EPB41L3: variants seen among roughly 807,000 people sequenced by gnomAD.
The protein encoded by EPB41L3 is band 4.1-like protein 3.
EPB41L3 carries 57 observed loss-of-function variants against 127.1 expected under a neutral mutation model. The ratio of observed to expected loss-of-function variants is 0.45; its 90% CI spans 0.36 to 0.56. The LOEUF is 0.56. Ranked by LOEUF, EPB41L3 falls within the 20% of genes least tolerant of loss-of-function variation. The pLI is 0.00. For synonymous variants in EPB41L3, 572 were observed against 549.5 expected (o/e 1.04, Z -0.57); for missense variants, 1,273 against 1,372.2 (o/e 0.93, Z 1.14).
chr18:5,611,642 A>G (rs2094726452), intron 3 of EPB41L3, among the ~76,000 whole-genome samples: 1 of 152,192 alleles, frequency 6.6e-6, no homozygotes, highest in African/African-American at 2.4e-5. Flanking sequence ...AATAAATAAA[A>G]TTTGGCCAGG....
At position 5,395,155 on chromosome 18, in the gene EPB41L3, A is replaced by T. The variant is rs777928624; in HGVS notation, c.3073-8T>A. 6.2e-7 allele frequency: 1 copy of T among 1,613,128 alleles called. No homozygotes were observed. The highest frequency in any genetic ancestry group is 8.5e-7 in the Non-Finnish European group (1 of 1,179,074). On this transcript the variant is annotated splice_polypyrimidine_tract_variant and splice_region_variant and intron_variant, in intron 20 of 22. Coordinates refer to ENST00000341928, the MANE Select transcript of EPB41L3 (RefSeq NM_012307.5). ...AATGCCCCCTTTCACAGTCTGCAAG[A>T]CACGTAGAGAAGCTTTATGAATTTA...
At position 5,394,787 on chromosome 18, in the gene EPB41L3, C is replaced by A. The variant is rs1473912557; in HGVS notation, c.3160G>T (p.Ala1054Ser). Residue 1054 changes from alanine (A) to serine (S), a missense_variant, in exon 22 of 23, where the codon GCT becomes TCT. This residue lies in a region of EPB41L3 where 765 missense variants were observed against 782.9 expected (regional missense o/e 0.98). Transcript: ENST00000341928. ...DADIDHDQAL[A>S]QAIKEAKEQH... is the part of the protein sequence containing the mutation. ...TCTTTGGCCTCTTTAATTGCCTGAG[C>A]CAGCGCCTATCCCCGGGAAATCACA... is the stretch of plus-strand genomic sequence containing the variant. The A allele has an allele frequency of 1.9e-6, 3 of 1,614,044 alleles. No homozygotes were observed. The highest frequency in any genetic ancestry group is 1.7e-6 in the Non-Finnish European group (2 of 1,179,976).
chr18:5,485,503 G>T (rs1273986686), intron 2 of EPB41L3, among the ~76,000 whole-genome samples: 1 of 151,664 alleles, frequency 6.6e-6, no homozygotes, highest in East Asian at 1.9e-4. Context: ...GCACAATTGG[G>T]CAAAAGAAAG....
At chr18:5,520,056 T>C (rs927052202) in intron 1 of EPB41L3, among the ~76,000 whole-genome samples, 1 of 152,200 alleles carries the variant, frequency 6.6e-6, no homozygotes, top group Non-Finnish European at 1.5e-5. Context: ...AGGGACTTCG[T>C]AATAAAAGCA....
chr18:5,622,951 A>AT (rs10622515), intron 1 of EPB41L3, among the ~76,000 whole-genome samples: 27,694 of 75,268 alleles, frequency 0.37, 8,481 homozygotes, highest in East Asian at 0.81. Context: ...CATAATGCTG[A>AT]TTTTTTTTTT....
chr18:5,445,365 C>T, intron 3 of EPB41L3, 121 bp from the exon 4 acceptor site: 1 of 749,336 alleles, frequency 1.3e-6, no homozygotes, highest in Non-Finnish European at 2.2e-6. Flanking sequence ...GAGTGACCAA[C>T]AGTGTGATCA....
intron 3 of EPB41L3, chr18:5,463,929 A>G (rs1004850685): frequency 3.3e-5 from 5 of 152,074 alleles, no homozygotes; most frequent in African/African-American, 7.2e-5. Context: ...ACAAGAGAAA[A>G]CCAATATACC....
At chr18:5,473,864 T>C (rs535333559) in intron 3 of EPB41L3, among the ~76,000 whole-genome samples, 16 of 152,178 alleles carry the variant, frequency 1.1e-4, no homozygotes, top group Non-Finnish European at 2.2e-4. Context: ...CAAAAATATA[T>C]ATCAAGTTCG....
rs534996922 is a variant in EPB41L3, at chr18:5,561,040, C to G, written c.-306+51300G>C. ...TCGCCCAGGCTGGAGTGCAGTGGCG[C>G]GATCGCGGCTCACTGCAAGCTCCGC... On this transcript the variant is annotated intron_variant, in intron 3 of 21. Transcript: ENST00000545076. 1.3e-4 allele frequency among the ~76,000 whole-genome samples: 18 copies of G among 143,506 alleles called. 1 individual carries two copies. The South Asian group carries it at 2.0e-3, about 16-fold the overall frequency. The allele number at this position is 143,506 out of a possible 152,430, so 94.1% of individuals were successfully genotyped here.
intron 3 of EPB41L3, among the ~76,000 whole-genome samples, chr18:5,572,976 G>A (rs950222525): frequency 1.3e-5 from 2 of 152,080 alleles, no homozygotes; most frequent in African/African-American, 4.8e-5. Context: ...TTGAGAGCTG[G>A]GCATAAAAGG....
At chr18:5,499,829 G>GTGTGTGTATATATATATATATATATA (rs563662904) in intron 1 of EPB41L3, among the ~76,000 whole-genome samples, 2 of 124,616 alleles carry the variant, frequency 1.6e-5, no homozygotes, top group African/African-American at 3.1e-5. Context: ...CTATGTGTGT[G>GTGTGTGTATATATATATATATATATA]TATATATATA....
At chr18:5,541,252 C>CAAAAAAAAAAAAAA (rs370717420) in intron 1 of EPB41L3, among the ~76,000 whole-genome samples, 1 of 46,766 alleles carries the variant, frequency 2.1e-5, no homozygotes, top group African/African-American at 1.1e-4. Context: ...GACTCCATCT[C>CAAAAAAAAAAAAAA]AAAAAAAAAA....
chr18:5,620,275 A>T (rs974951328), intron 1 of EPB41L3, among the ~76,000 whole-genome samples: 1 of 152,214 alleles, frequency 6.6e-6, no homozygotes, highest in African/African-American at 2.4e-5. Flanking sequence ...GGAAAATGAC[A>T]TTGCTGCTTA....
rs1424239355 is a variant in EPB41L3 at position 5,407,737 on chromosome 18, C to A, written c.2122-1G>T. 2.5e-6 allele frequency: 4 copies of A among 1,613,986 alleles called. No individual in the cohort carries two copies. The highest frequency in any genetic ancestry group is 3.3e-5 in the Admixed American group (2 of 60,018). ...GCTCTGCATCTTCCTCCTGGTCCGA[C>A]TGCCAGCATCAAGAAAGAGTGGGAA... On this transcript the variant is annotated splice_acceptor_variant, in intron 14 of 22. Coordinates refer to ENST00000341928, the MANE Select transcript of EPB41L3 (RefSeq NM_012307.5). LOFTEE classifies it high-confidence loss of function.
chr18:5,603,649 A>G lies in EPB41L3; in HGVS notation c.-306+8691T>C, dbSNP rs192395171. ...CCTAATCTCAGCACTTTGGGAGGCC[A>G]AGGCAGGAGGATCACTAGACCCTAG... is the stretch of plus-strand genomic sequence containing the variant. On this transcript the variant is annotated intron_variant, in intron 3 of 21. Coordinates refer to the EPB41L3 transcript ENST00000545076. Among the ~76,000 whole-genome samples, 475 of 152,220 alleles carry G rather than the reference A, an allele frequency of 3.1e-3. 1 individual carries two copies. The highest frequency in any genetic ancestry group is 0.01 in the Middle Eastern group (3 of 294).
At chr18:5,415,679 C>A in intron 13 of EPB41L3, 139 bp downstream of exon 13, 6 of 940,442 alleles carry the variant, frequency 6.4e-6, no homozygotes, top group Non-Finnish European at 9.3e-6. Flanking sequence ...CTCCCCAACA[C>A]ACAGAAACCT....
chr18:5,392,837 C>G lies in EPB41L3; in HGVS notation c.*648G>C, dbSNP rs2072627107. Reference sequence around the variant, plus strand: ...TCGCATTAATATGCTAAAATCAGTACTACCTTATAACAAATTAAATGAGAT... The same window carrying G: ...TCGCATTAATATGCTAAAATCAGTAGTACCTTATAACAAATTAAATGAGAT... On this transcript the variant is annotated 3_prime_UTR_variant, in exon 23 of 23. Coordinates refer to ENST00000341928, the MANE Select transcript of EPB41L3 (RefSeq NM_012307.5). 6.6e-6 allele frequency: 1 copy of G among 152,516 alleles called. No homozygotes were observed. Among genetic ancestry groups the G allele is most frequent in the Non-Finnish European group, 1.5e-5 (1 of 68,040 alleles). 9.4% of individuals were successfully genotyped at this position (152,516 alleles called of 1,614,324 possible). A position where few individuals can be genotyped will look rare whatever the true frequency, so the allele number is the denominator to read the frequency against.
rs759047959 is a variant in EPB41L3 at position 5,397,171 on chromosome 18, C to T, written c.2728G>A (p.Ala910Thr). The change falls in exon 18 of 23, where the codon GCT becomes ACT. Residue 910 changes from alanine to threonine, a missense_variant. Around this residue, in one of 3 missense-constraint regions of EPB41L3, gnomAD observed 765 missense variants for 782.9 expected, o/e 0.98. Transcript: ENST00000341928. The surrounding 1 kb of genome is among the most constrained non-coding windows in gnomAD (Gnocchi z 4.1). Reference sequence around the variant, plus strand: ...TCTTCCTGTTCCAGGACAGCTTTAGCGACCTCCTCCCCTCCTTCCTCTTTA... The same window carrying T: ...TCTTCCTGTTCCAGGACAGCTTTAGTGACCTCCTCCCCTCCTTCCTCTTTA... ...GAKEEGGEEV[A>T]KAVLEQEETA... The T allele has an allele frequency of 1.2e-4, 196 of 1,614,088 alleles. No homozygotes were observed. Among genetic ancestry groups the T allele is most frequent in the Non-Finnish European group, 1.5e-4 (180 of 1,180,042 alleles).
intron 3 of EPB41L3, among the ~76,000 whole-genome samples, chr18:5,566,723 C>CATTCTATTCTACTCT (rs2094203967): frequency 8.9e-6 from 1 of 112,330 alleles, no homozygotes; most frequent in Non-Finnish European, 1.9e-5. Context: ...TTTTCTATTC[C>CATTCTATTCTACTCT]ATTCTATTCT....
Sources: gnomAD v4.1 joint callset for allele counts (sites outside exome capture counted in the v4.1 genomes callset) on GRCh38, gnomAD v4.1.1 for gene constraint, gnomAD v4.1.1 regional missense constraint, Gnocchi (gnomAD v3.1) non-coding constraint, MANE v1.5 for transcripts, NCBI Gene and HGNC (gene_info 2026-07-23, HGNC 2026-07-21) for gene names.